TLR6: variants seen among roughly 807,000 people sequenced by gnomAD.
TLR6 encodes toll like receptor 6, also known as toll-like receptor 6.
In TLR6, 9 loss-of-function variants were observed where a neutral mutation model predicts 16.1. The observed-to-expected ratio is 0.56, with a 90% CI of 0.34 to 0.98. TLR6 has a LOEUF of 0.98. Ranked by LOEUF, TLR6 falls within the 50% of genes least tolerant of loss-of-function variation. The probability of loss-of-function intolerance (pLI) is 0.02; values close to 1 mark genes in which losing one functional copy is unlikely to be tolerated. For missense variants in TLR6, 786 were observed against 921.0 expected (o/e 0.85, Z 1.90); for synonymous variants, 340 against 338.6 (o/e 1.00, Z -0.04).
intron 1 of TLR6, among the ~76,000 whole-genome samples, chr4:38,837,110 C>T (rs1416157224): frequency 1.3e-5 from 2 of 152,026 alleles, no homozygotes; most frequent in Non-Finnish European, 2.9e-5. Context: ...GGAAAGACAT[C>T]CCATGTTCAT....
At chr4:38,836,926 T>A (rs545093206) in intron 1 of TLR6, among the ~76,000 whole-genome samples, 4 of 142,086 alleles carry the variant, frequency 2.8e-5, no homozygotes, top group South Asian at 2.2e-4. Context: ...GGTGACAGAG[T>A]GAGACTCAGT....
the TLR6 span, among the ~76,000 whole-genome samples, chr4:38,867,107 G>A: frequency 1.3e-5 from 2 of 152,098 alleles, no homozygotes; most frequent in African/African-American, 2.4e-5. Context: ...CCATGTCAAC[G>A]AATCCTCATT....
chr4:38,846,087 TCA>T (rs1712516206), intron 1 of TLR6, among the ~76,000 whole-genome samples: 1 of 62,846 alleles, frequency 1.6e-5, no homozygotes, highest in African/African-American at 9.7e-5. Context: ...GCGAGACATC[TCA>T]AAAAAAAAAA....
intron 1 of TLR6, among the ~76,000 whole-genome samples, chr4:38,846,274 A>G (rs1712527995): frequency 6.6e-6 from 1 of 152,216 alleles, no homozygotes; most frequent in South Asian, 2.1e-4. Flanking sequence ...AGCCAAACTC[A>G]AGATATGAAA....
intron 1 of TLR6, among the ~76,000 whole-genome samples, chr4:38,847,509 A>G (rs932270739): frequency 0.024 from 10 of 420 alleles, no homozygotes; most frequent in Middle Eastern, 0.33. Context: ...GGGAAGCACA[A>G]GGGGTCAGGA....
rs371048813 is a variant in TLR6, at chr4:38,851,079, C to T, written c.-65+5682G>A. The stretch of plus-strand genomic sequence containing the variant: ...TGGGATGCAAGGCTGTTTCAACATA[C>T]GCAAATCAATAAATGTAATCCAGCA... On this transcript the variant is annotated intron_variant, in intron 1 of 1. Coordinates refer to ENST00000436693, the Ensembl canonical transcript of TLR6. Among the ~76,000 whole-genome samples the T allele has an allele frequency of 2.6e-4, 39 of 152,250 alleles. No individual in the cohort carries two copies. In the South Asian group the frequency reaches 4.4e-3, roughly 17 times the overall value.
upstream of TLR6, among the ~76,000 whole-genome samples, chr4:38,857,033 T>C (rs1434132697): frequency 6.6e-6 from 1 of 152,220 alleles, no homozygotes; most frequent in African/African-American, 2.4e-5. Flanking sequence ...AACAATTCAA[T>C]GTGAAGAAAA....
intron 1 of TLR6, among the ~76,000 whole-genome samples, chr4:38,853,210 TAA>T: frequency 8.3e-6 from 1 of 120,218 alleles, no homozygotes; most frequent in East Asian, 2.6e-4. Flanking sequence ...AAAGGGAACA[TAA>T]CACACTGGGG....
At chr4:38,843,760 A>G (rs1323385204) in intron 1 of TLR6, 1 of 152,256 alleles carries the variant, frequency 6.6e-6, no homozygotes, top group African/African-American at 2.4e-5. Flanking sequence ...ACCCACAGAG[A>G]CACACATACA....
upstream of TLR6, among the ~76,000 whole-genome samples, chr4:38,857,776 C>A (rs1040005092): frequency 6.6e-6 from 1 of 152,204 alleles, no homozygotes; most frequent in Non-Finnish European, 1.5e-5. Flanking sequence ...GTGATTCATC[C>A]TTACTCATCA....
At chr4:38,841,109 C>A (rs1712236917) in intron 1 of TLR6, among the ~76,000 whole-genome samples, 1 of 152,064 alleles carries the variant, frequency 6.6e-6, no homozygotes, top group Admixed American at 6.6e-5. Flanking sequence ...TATTTTAAAT[C>A]ATCAACACTA....
chr4:38,857,976 A>C (rs971351465), upstream of TLR6, among the ~76,000 whole-genome samples: 6 of 152,238 alleles, frequency 3.9e-5, no homozygotes, highest in Admixed American at 3.9e-4. Context: ...CGTGGACTAA[A>C]GTCTTAAGAA....
At chr4:38,827,206 C>G (rs5743821) in exon 2 of TLR6, 1 of 1,614,142 alleles carries the variant, frequency 6.2e-7, no homozygotes, top group Non-Finnish European at 8.5e-7. Context: ...AAGTCCGCTG[C>G]GTCATGAGAG....
intron 1 of TLR6, among the ~76,000 whole-genome samples, chr4:38,843,307 G>A (rs1712367950): frequency 6.6e-6 from 1 of 152,280 alleles, no homozygotes. Context: ...GAGCTCCTGG[G>A]GGACAAAAGC....
chr4:38,837,470 C>A (rs1332426111), intron 1 of TLR6, among the ~76,000 whole-genome samples: 1 of 152,198 alleles, frequency 6.6e-6, no homozygotes, highest in African/African-American at 2.4e-5. Flanking sequence ...ACAACATACA[C>A]TGGGGAAAGA....
At chr4:38,828,053 G>A (rs1302799168) in exon 2 of TLR6, 28 of 1,614,212 alleles carry the variant, frequency 1.7e-5, no homozygotes, top group African/African-American at 2.7e-5. Context: ...TTCTTGCAAA[G>A]CTTCCAGTTT....
chr4:38,844,972 T>C (rs1712458709), intron 1 of TLR6, among the ~76,000 whole-genome samples: 1 of 152,116 alleles, frequency 6.6e-6, no homozygotes, highest in African/African-American at 2.4e-5. Flanking sequence ...GGCAAGAGAA[T>C]CGTTCGAACC....
At chr4:38,865,491 G>C in the TLR6 span, among the ~76,000 whole-genome samples, 1 of 152,294 alleles carries the variant, frequency 6.6e-6, no homozygotes, top group African/African-American at 2.4e-5. Flanking sequence ...CCTTTAAAAA[G>C]AGAACATCTG....
upstream of TLR6, among the ~76,000 whole-genome samples, chr4:38,861,548 A>C (rs1713193621): frequency 6.6e-6 from 1 of 152,060 alleles, no homozygotes; most frequent in Non-Finnish European, 1.5e-5. Flanking sequence ...CTCTTTCCTC[A>C]ACCCAGTTTA....
Sources: gnomAD v4.1 joint callset for allele counts (sites outside exome capture counted in the v4.1 genomes callset) on GRCh38, gnomAD v4.1.1 for gene constraint, MANE v1.5 for transcripts, NCBI Gene and HGNC (gene_info 2026-07-23, HGNC 2026-07-21) for gene names.